H4C15: variants seen among roughly 807,000 people sequenced by gnomAD.
H4C15 encodes the protein H4 clustered histone 15.
At chr1:149,849,643 G>A (rs185222842), downstream of H4C15, among the ~76,000 whole-genome samples, 1 of 152,126 alleles carries the variant, frequency 6.6e-6, no homozygotes, top group Non-Finnish European at 1.5e-5. Flanking sequence ...CCTTAAACTG[G>A]ACAAGCTTTT....
chr1:149,850,090 C>T (rs138823655), downstream of H4C15: 191 of 447,254 alleles, frequency 4.3e-4, no homozygotes, highest in African/African-American at 3.6e-3. Flanking sequence ...AGTTCAAGAG[C>T]AGCCCTCTAA....
downstream of H4C15, among the ~76,000 whole-genome samples, chr1:149,849,280 A>T (rs1233106793): frequency 1.3e-5 from 2 of 152,228 alleles, no homozygotes; most frequent in Non-Finnish European, 2.9e-5. Context: ...CAGAAAGCTT[A>T]ACACAAATAA....
At chr1:149,845,428 G>A in the H4C15 span, 1 of 152,198 alleles carries the variant, frequency 6.6e-6, no homozygotes, top group East Asian at 1.9e-4. Flanking sequence ...ATGGAGTGGA[G>A]TAGGGATGAC....
At chr1:149,846,961 A>T in the H4C15 span, 20 of 152,212 alleles carry the variant, frequency 1.3e-4, no homozygotes, top group Non-Finnish European at 1.5e-4. Flanking sequence ...GGAGGTCTGA[A>T]GTACAAAATC....
At chr1:149,848,523 A>G in the H4C15 span, 1 of 152,214 alleles carries the variant, frequency 6.6e-6, no homozygotes, top group Non-Finnish European at 1.5e-5. Context: ...CTTGAAAGCA[A>G]ATAAGCTGCT....
chr1:149,850,303 G>C, downstream of H4C15: 4 of 1,400,786 alleles, frequency 2.9e-6, no homozygotes, highest in East Asian at 2.4e-5. Context: ...TGGTTAAATG[G>C]CCCTGAAAAG....
chr1:149,845,893 A>G, the H4C15 span: 3 of 152,220 alleles, frequency 2.0e-5, no homozygotes, highest in Admixed American at 2.0e-4. Flanking sequence ...CTATTTGCTG[A>G]TATGAGTAAG....
chr1:149,845,941 T>C, the H4C15 span: 7,596 of 152,260 alleles, frequency 0.05, 252 homozygotes, highest in Non-Finnish European at 0.079. Context: ...AGTACTGTTT[T>C]GAACAAAATG....
At chr1:149,850,109 C>T (rs1392385543), downstream of H4C15, 3 of 485,516 alleles carry the variant, frequency 6.2e-6, no homozygotes, top group African/African-American at 5.9e-5. Flanking sequence ...AAGGCAAGCC[C>T]CAACCTATCT....
chr1:149,855,399 G>GTC (rs2092181910), downstream of H4C15, among the ~76,000 whole-genome samples: 1 of 146,698 alleles, frequency 6.8e-6, no homozygotes, highest in Non-Finnish European at 1.5e-5. Flanking sequence ...GTGTGTGTGT[G>GTC]TGTGTGTGTG....
chr1:149,844,964 T>C, the H4C15 span: 2 of 152,250 alleles, frequency 1.3e-5, no homozygotes, highest in Admixed American at 6.5e-5. Context: ...CAGGGAAAAG[T>C]TGAGTTTATA....
chr1:149,858,975 G>A (rs1409264748), downstream of H4C15, among the ~76,000 whole-genome samples: 1 of 16,238 alleles, frequency 6.2e-5, no homozygotes, highest in East Asian at 1.0e-3. Flanking sequence ...ATCTTGGTGC[G>A]GATCAGATAT....
downstream of H4C15, among the ~76,000 whole-genome samples, chr1:149,849,256 A>G (rs895709344): frequency 2.0e-5 from 3 of 152,234 alleles, no homozygotes; most frequent in African/African-American, 7.2e-5. Context: ...ACTTTAGCAT[A>G]TATCACCATC....
chr1:149,855,415 G>GTGTGTGTGTGTC (rs2092182087), downstream of H4C15, among the ~76,000 whole-genome samples: 1 of 146,838 alleles, frequency 6.8e-6, no homozygotes, highest in African/African-American at 2.5e-5. Flanking sequence ...GTGTGTGTGT[G>GTGTGTGTGTGTC]TGTGTGTGTT....
At chr1:149,850,513 GCGCTTGTTGTAGTGCGCCAGGCGGGA>G, downstream of H4C15, 2 of 837,170 alleles carry the variant, frequency 2.4e-6, no homozygotes, top group Non-Finnish European at 3.8e-6. Flanking sequence ...TGATGGTGGA[GCGCTTGTTGTAGTGCGCCAGGCGGGA>G]CGCCTCTCCC....
chr1:149,850,954 T>C, downstream of H4C15: 1 of 33,842 alleles, frequency 3.0e-5, no homozygotes, highest in Non-Finnish European at 5.3e-5. Flanking sequence ...GGATTCTGGC[T>C]GAGCTATCCT....
At chr1:149,844,719 C>T in the H4C15 span, 4 of 151,724 alleles carry the variant, frequency 2.6e-5, no homozygotes, top group African/African-American at 9.7e-5. Context: ...TCCAGGATGA[C>T]ACACTTGCTG....
At chr1:149,848,796 GA>G in the H4C15 span, 1 of 152,152 alleles carries the variant, frequency 6.6e-6, no homozygotes, top group East Asian at 1.9e-4. Flanking sequence ...TACATTATAG[GA>G]CTATGAACTA....
At chr1:149,846,315 C>T in the H4C15 span, 1 of 152,162 alleles carries the variant, frequency 6.6e-6, no homozygotes, top group African/African-American at 2.4e-5. Context: ...ATTACCGCTA[C>T]ATAGTACGTA....
Sources: allele counts gnomAD v4.1 joint callset (sites outside exome capture counted in the v4.1 genomes callset), GRCh38; gene constraint gnomAD v4.1.1; transcripts MANE v1.5; gene names NCBI Gene and HGNC (gene_info 2026-07-23, HGNC 2026-07-21).